Variants in JPH2 observed in about 807,000 individuals in gnomAD.
JPH2 encodes junctophilin-2.
JPH2 carries 38 observed loss-of-function variants against 55.9 expected under a neutral mutation model. That is an observed-to-expected ratio of 0.68 (90% CI 0.52 to 0.89). The LOEUF (loss-of-function observed/expected upper bound fraction) is 0.89. Ranked by LOEUF, JPH2 falls within the 40% of genes least tolerant of loss-of-function variation. JPH2 has a pLI of 0.00. For synonymous variants in JPH2, 480 were observed against 472.4 expected, an observed-to-expected ratio of 1.02 and a Z score of -0.21; for missense variants, 964 against 1,037.6, an observed-to-expected ratio of 0.93 and a Z score of 0.97.
chr20:44,134,767 A>T (rs1219250201), intron 2 of JPH2, among the ~76,000 whole-genome samples: 1 of 107,880 alleles, frequency 9.3e-6, no homozygotes, highest in Non-Finnish European at 1.7e-5. Flanking sequence ...TAAATATATA[A>T]AAATATTTAT....
At chr20:44,183,094 C>T (rs1316479122) in intron 1 of JPH2, among the ~76,000 whole-genome samples, 2 of 152,146 alleles carry the variant, frequency 1.3e-5, no homozygotes, top group East Asian at 3.9e-4. Context: ...CACACACATA[C>T]ACACACCTTG....
At chr20:44,149,660 T>C (rs1208394878) in intron 2 of JPH2, among the ~76,000 whole-genome samples, 2 of 152,120 alleles carry the variant, frequency 1.3e-5, no homozygotes, top group African/African-American at 4.8e-5. Context: ...AGTCCTCCAA[T>C]TTGTTATACA....
At chr20:44,167,532 G>A (rs1290718540) in intron 1 of JPH2, among the ~76,000 whole-genome samples, 1 of 152,130 alleles carries the variant, frequency 6.6e-6, no homozygotes, top group Non-Finnish European at 1.5e-5. Flanking sequence ...CAAGCCCTGG[G>A]AGTTATTGGT....
intron 2 of JPH2, among the ~76,000 whole-genome samples, chr20:44,125,043 G>A (rs2145845417): frequency 1.3e-5 from 2 of 151,218 alleles, no homozygotes; most frequent in Admixed American, 1.3e-4. Flanking sequence ...GGGAGGCAGA[G>A]GTTGCAGTGA....
intron 2 of JPH2, among the ~76,000 whole-genome samples, chr20:44,135,025 G>GA (rs1320513330): frequency 6.8e-6 from 1 of 147,342 alleles, no homozygotes; most frequent in African/African-American, 2.5e-5. Context: ...GGGTAGGGGG[G>GA]ATGCCTGGGG....
intron 1 of JPH2, among the ~76,000 whole-genome samples, chr20:44,185,072 A>G (rs1482379890): frequency 6.6e-6 from 1 of 152,190 alleles, no homozygotes; most frequent in Non-Finnish European, 1.5e-5. Flanking sequence ...CACGGAGTCC[A>G]AGAATTGCTT....
chr20:44,164,830 T>C (rs1228000582), intron 1 of JPH2, among the ~76,000 whole-genome samples: 83 of 132,112 alleles, frequency 6.3e-4, no homozygotes, highest in African/African-American at 3.0e-3. Context: ...TCTGCACCTT[T>C]TTTTTTTTTT....
intron 1 of JPH2, among the ~76,000 whole-genome samples, chr20:44,185,017 C>T (rs2072820451): frequency 6.6e-6 from 1 of 152,194 alleles, no homozygotes; most frequent in South Asian, 2.1e-4. Context: ...CTCAAGTGAT[C>T]CTCCCACCAC....
chr20:44,179,566 C>T (rs542776206), intron 1 of JPH2, among the ~76,000 whole-genome samples: 9 of 152,242 alleles, frequency 5.9e-5, no homozygotes, highest in Admixed American at 5.2e-4. Context: ...GGTGCTGGAA[C>T]CATGCAGTCT....
rs1372602717 is a variant in JPH2, at chr20:44,160,154, G to T, written c.633C>A (p.Ala211=). 7.0e-7 allele frequency: 1 copy of T among 1,428,658 alleles called. No individual in the cohort carries two copies. The highest frequency in any genetic ancestry group is 9.1e-7 in the Non-Finnish European group (1 of 1,100,536). The allele number at this position is 1,428,658 out of a possible 1,614,324, so 88.5% of individuals were successfully genotyped here. The change falls in exon 2 of 6, where the codon GCC becomes GCA. Residue 211 remains alanine (A), a synonymous_variant. Transcript: ENST00000372980. The surrounding 1 kb of genome is among the most constrained non-coding windows in gnomAD (Gnocchi z 4.9). ...GGCCGCCGCCCTTGGGCGCCCGCGC[G>T]GCCGCCTCGGCATTGGCCAGGAGGC... ...ALSLLANAEA[A]ARAPKGGGLF...
chr20:44,140,363 C>T (rs2072446490), intron 2 of JPH2, among the ~76,000 whole-genome samples: 1 of 152,158 alleles, frequency 6.6e-6, no homozygotes. Flanking sequence ...TGTGGCATTT[C>T]CCACCCTCCA....
chr20:44,123,096 G>A (rs564580299), intron 2 of JPH2, among the ~76,000 whole-genome samples: 18 of 152,264 alleles, frequency 1.2e-4, no homozygotes, highest in African/African-American at 3.6e-4. Context: ...GAACAGGGGC[G>A]GCCACACAGC....
intron 1 of JPH2, among the ~76,000 whole-genome samples, chr20:44,176,112 G>A (rs937475609): frequency 6.6e-6 from 1 of 152,068 alleles, no homozygotes; most frequent in Non-Finnish European, 1.5e-5. Context: ...CAGTCTATAA[G>A]TTTTGCTTCA....
At position 44,116,456 on chromosome 20, in the gene JPH2, T is replaced by C. The variant is rs1462400664; in HGVS notation, c.1289-70A>G. ...TGTTGGGTGATCCTGGGCCAGCCAC[T>C]TCACCTCTCGAGCCTCATTCATGGG... is the stretch of plus-strand genomic sequence containing the variant. On this transcript the variant is annotated intron_variant, in intron 3 of 5. Coordinates refer to ENST00000372980, the MANE Select transcript of JPH2 (RefSeq NM_020433.5). 1.4e-5 allele frequency: 22 copies of C among 1,523,358 alleles called. No individual in the cohort carries two copies. The East Asian group carries it at 5.2e-4, about 36-fold the overall frequency. 94.4% of individuals were successfully genotyped at this position (1,523,358 alleles called of 1,614,324 possible).
chr20:44,163,685 C>G (rs1222993566), intron 1 of JPH2, among the ~76,000 whole-genome samples: 1 of 152,228 alleles, frequency 6.6e-6, no homozygotes, highest in African/African-American at 2.4e-5. Context: ...CTAAGCCTGT[C>G]TGATGCCAGA....
At chr20:44,157,931 CCA>C (rs2145877196) in intron 2 of JPH2, among the ~76,000 whole-genome samples, 1 of 152,196 alleles carries the variant, frequency 6.6e-6, no homozygotes, top group South Asian at 2.1e-4. Flanking sequence ...CTCCTGTACC[CCA>C]CTTTTGCTGG....
rs770813064 is a variant in JPH2 at position 44,159,738 on chromosome 20, G to A, written c.1049C>T (p.Thr350Ile). Residue 350 changes from threonine (T) to isoleucine (I), a missense_variant, in exon 2 of 6, where the codon ACC becomes ATC. By Grantham distance (89) the Thr-to-Ile change is moderately conservative. Transcript: ENST00000372980. The surrounding 1 kb of genome is among the most constrained non-coding windows in gnomAD (Gnocchi z 5.7). ...KYRHNVLVKD[T>I]KRRMLQLKSN... ...CTTGAGCTGCAGCATGCGGCGCTTG[G>A]TGTCCTTGACCAGCACGTTGTGGCG... 6.2e-7 allele frequency: 1 copy of A among 1,613,768 alleles called. No individual in the cohort carries two copies. Among genetic ancestry groups the A allele is most frequent in the Non-Finnish European group, 8.5e-7 (1 of 1,179,972 alleles).
rs6073347 is a variant in JPH2, at chr20:44,133,242, C to A, written c.1170-14619G>T. ...CTTCTTTAAACTCTCCCCAATTAAA[C>A]CCTTGCAATAGACCCTTTCCTGCCA... On this transcript the variant is annotated intron_variant, in intron 2 of 5. Coordinates refer to ENST00000372980, the MANE Select transcript of JPH2 (RefSeq NM_020433.5). Among the ~76,000 whole-genome samples, 12 of 148,518 alleles carry A rather than the reference C, an allele frequency of 8.1e-5. No homozygotes were observed. The East Asian group carries it at 8.1e-4, about 10-fold the overall frequency.
chr20:44,174,585 C>T (rs2072720110), intron 1 of JPH2, among the ~76,000 whole-genome samples: 1 of 152,098 alleles, frequency 6.6e-6, no homozygotes, highest in Admixed American at 6.5e-5. Flanking sequence ...ACCAGCCTGT[C>T]CAACATGGTG....
Sources: allele counts gnomAD v4.1 joint callset (sites outside exome capture counted in the v4.1 genomes callset), GRCh38; gene constraint gnomAD v4.1.1; non-coding constraint Gnocchi (gnomAD v3.1); transcripts MANE v1.5; gene names NCBI Gene and HGNC (gene_info 2026-07-23, HGNC 2026-07-21).